Variants in NRG1 observed in about 807,000 individuals in gnomAD.
NRG1 encodes pro-neuregulin-1, membrane-bound isoform.
Under a neutral mutation model 63.8 loss-of-function variants are expected in NRG1, and 18 were observed. That is an observed-to-expected ratio of 0.28 (90% confidence interval 0.19 to 0.42). NRG1 has a LOEUF of 0.42. Ranked by LOEUF, NRG1 falls within the 10% of genes least tolerant of loss-of-function variation. The pLI is 1.00. For synonymous variants in NRG1, 302 were observed against 301.3 expected (o/e 1.00, Z -0.02); for missense variants, 762 against 814.7 (o/e 0.94, Z 0.79).
chr8:31,824,977 GTT>G (rs1238726931), intron 1 of NRG1, among the ~76,000 whole-genome samples: 6 of 152,202 alleles, frequency 3.9e-5, no homozygotes, highest in African/African-American at 1.4e-4. Context: ...TATTGTATAT[GTT>G]TTGTGTTTAT....
chr8:31,715,220 C>T (rs747807950), intron 1 of NRG1, among the ~76,000 whole-genome samples: 39 of 151,744 alleles, frequency 2.6e-4, no homozygotes, highest in Non-Finnish European at 4.9e-4. Context: ...AGAATACAAA[C>T]CTATAAAATA....
chr8:31,691,480 A>T (rs1317385059), intron 1 of NRG1, among the ~76,000 whole-genome samples: 1 of 151,562 alleles, frequency 6.6e-6, no homozygotes, highest in Non-Finnish European at 1.5e-5. Flanking sequence ...CTGTAGTCCC[A>T]GCTACTCGGG....
At chr8:32,213,021 T>C (rs1238953257) in intron 1 of NRG1, among the ~76,000 whole-genome samples, 3 of 152,186 alleles carry the variant, frequency 2.0e-5, no homozygotes, top group Non-Finnish European at 4.4e-5. Flanking sequence ...CCTTTTTACC[T>C]TGAGGTAAAG....
intron 1 of NRG1, among the ~76,000 whole-genome samples, chr8:31,877,641 G>A (rs1227866619): frequency 6.6e-6 from 1 of 152,108 alleles, no homozygotes; most frequent in Non-Finnish European, 1.5e-5. Flanking sequence ...TGTGACATAT[G>A]TTTGGTCATA....
rs367543151 is a variant in NRG1 at position 31,640,010 on chromosome 8, G to A, written c.37+579G>A. Reference sequence around the variant, plus strand: ...ATGAGATGGCGACGCGCCCCGCGCCGCTCCGGGCGTCCCGGCCCCCGGGCC... The same window carrying A: ...ATGAGATGGCGACGCGCCCCGCGCCACTCCGGGCGTCCCGGCCCCCGGGCC... On this transcript the variant is annotated intron_variant, in intron 1 of 10. Transcript: ENST00000519301. This position sits in a 1 kb window ranked among gnomAD's most constrained non-coding sequence, Gnocchi z 6.3. The A allele has an allele frequency of 4.6e-4, 517 of 1,129,492 alleles. 4 individuals carry two copies. In the African/African-American group the frequency reaches 6.9e-3, roughly 15 times the overall value. The allele number at this position is 1,129,492 out of a possible 1,614,324, so 70.0% of individuals were successfully genotyped here. A position where few individuals can be genotyped will look rare whatever the true frequency, so the allele number is the denominator to read the frequency against.
At chr8:32,047,529 T>C (rs1821201745) in intron 1 of NRG1, among the ~76,000 whole-genome samples, 2 of 152,176 alleles carry the variant, frequency 1.3e-5, no homozygotes, top group South Asian at 2.1e-4. Flanking sequence ...AATTGTGCTG[T>C]ATGGAAAAAT....
At position 31,646,485 on chromosome 8, in the gene NRG1, T is replaced by A. The variant is rs557221725; in HGVS notation, c.37+7054T>A. Among the ~76,000 whole-genome samples, 19 of 152,324 alleles carry A rather than the reference T, an allele frequency of 1.2e-4. 1 individual carries two copies. In the South Asian group the frequency reaches 3.9e-3, roughly 32 times the overall value. ...GAGGGATAAGAAATGTGAAGTACTG[T>A]CAGCTTCACTAAATTTGGAAAATGC... On this transcript the variant is annotated intron_variant, in intron 1 of 10. Transcript: ENST00000519301.
intron 1 of NRG1, among the ~76,000 whole-genome samples, chr8:32,012,888 C>T (rs76542619): frequency 1.3e-3 from 200 of 152,040 alleles, no homozygotes; most frequent in African/African-American, 4.6e-3. Context: ...GTTTTTTTTA[C>T]GCATTTTTGT....
At chr8:32,432,141 C>A (rs1001605160) in intron 1 of NRG1, among the ~76,000 whole-genome samples, 1 of 152,032 alleles carries the variant, frequency 6.6e-6, no homozygotes, top group African/African-American at 2.4e-5. Context: ...GGAGTGAGAT[C>A]CTTGAAATAA....
chr8:32,497,895 C>T (rs35053971), intron 1 of NRG1, among the ~76,000 whole-genome samples: 2 of 152,186 alleles, frequency 1.3e-5, no homozygotes, highest in African/African-American at 4.8e-5. Flanking sequence ...ACGATCTCGG[C>T]TCACCACAAC....
intron 1 of NRG1, among the ~76,000 whole-genome samples, chr8:31,972,244 T>TC (rs1468251626): frequency 6.6e-5 from 10 of 152,082 alleles, no homozygotes; most frequent in Non-Finnish European, 1.5e-5. Flanking sequence ...TGTGCCTCCC[T>TC]CGACAGCCAC....
At chr8:32,425,280 T>C (rs1159705029) in intron 1 of NRG1, among the ~76,000 whole-genome samples, 2 of 152,200 alleles carry the variant, frequency 1.3e-5, no homozygotes, top group Non-Finnish European at 2.9e-5. Flanking sequence ...GTTGGGATAA[T>C]GTCAATGTTT....
intron 1 of NRG1, among the ~76,000 whole-genome samples, chr8:32,009,362 G>A (rs773262965): frequency 6.6e-6 from 1 of 151,874 alleles, no homozygotes; most frequent in Non-Finnish European, 1.5e-5. Context: ...CTTTACATTC[G>A]TGCAATCAGT....
intron 1 of NRG1, among the ~76,000 whole-genome samples, chr8:32,536,508 A>G (rs895656724): frequency 3.3e-5 from 5 of 152,144 alleles, no homozygotes; most frequent in African/African-American, 4.8e-5. Flanking sequence ...AAGCCAACCG[A>G]CTAACAACTA....
At position 31,790,377 on chromosome 8, in the gene NRG1, G is replaced by A. The variant is rs995347487; in HGVS notation, c.37+150946G>A. Among the ~76,000 whole-genome samples the A allele has an allele frequency of 6.6e-5, 10 of 152,128 alleles. No individual in the cohort carries two copies. In the South Asian group the frequency reaches 2.1e-3, roughly 32 times the overall value. On this transcript the variant is annotated intron_variant, in intron 1 of 10. Coordinates refer to the NRG1 transcript ENST00000519301. ...GGAAGGGTACTGGCTTGTTAGATTT[G>A]GGCTCACCGTTTGGCAATCCATCTC...
intron 1 of NRG1, among the ~76,000 whole-genome samples, chr8:32,229,982 T>C (rs1846745847): frequency 1.3e-5 from 2 of 152,124 alleles, no homozygotes; most frequent in East Asian, 3.9e-4. Flanking sequence ...TTCCTGTCCC[T>C]AAACACTCCC....
rs145272850 is a variant in NRG1 at position 32,526,852 on chromosome 8, C to A, written c.38-68976C>A. Among the ~76,000 whole-genome samples the A allele has an allele frequency of 9.8e-3, 1,496 of 152,270 alleles. 24 individuals are homozygous for A. Among genetic ancestry groups the A allele is most frequent in the African/African-American group, 0.034 (1,415 of 41,546 alleles). ...TCTCTGACTCACAGGCTCCTTTGTTCATTCTCATTTTTCTTCCTTTTGGAG... is the reference window on the plus strand; with the variant it reads ...TCTCTGACTCACAGGCTCCTTTGTTAATTCTCATTTTTCTTCCTTTTGGAG... On this transcript the variant is annotated intron_variant, in intron 1 of 10. Coordinates refer to the NRG1 transcript ENST00000519301.
intron 1 of NRG1, among the ~76,000 whole-genome samples, chr8:31,649,022 G>A (rs1430135614): frequency 6.7e-6 from 1 of 149,942 alleles, no homozygotes; most frequent in Non-Finnish European, 1.5e-5. Flanking sequence ...GCAGTGGCAC[G>A]ATCTTGGCTC....
At chr8:32,119,017 A>AATAAATTGCTCAATTTATTGAGCTC (rs1431634806) in intron 1 of NRG1, among the ~76,000 whole-genome samples, 2 of 152,138 alleles carry the variant, frequency 1.3e-5, no homozygotes, top group African/African-American at 4.8e-5. Context: ...TGTCCAACTG[A>AATAAATTGCTCAATTTATTGAGCTC]ATAAATTGCT....
Sources: gnomAD v4.1 joint callset for allele counts (sites outside exome capture counted in the v4.1 genomes callset) on GRCh38, gnomAD v4.1.1 for gene constraint, Gnocchi (gnomAD v3.1) non-coding constraint, MANE v1.5 for transcripts, NCBI Gene and HGNC (gene_info 2026-07-23, HGNC 2026-07-21) for gene names.